MDH2: variants seen among roughly 807,000 people sequenced by gnomAD.
The protein encoded by MDH2 is malate dehydrogenase 2.
In MDH2, 25 loss-of-function variants were observed where a neutral mutation model predicts 33.6. That is an observed-to-expected ratio of 0.74 (90% CI 0.54 to 1.04). The LOEUF is 1.04. MDH2 is among the 50% of genes least tolerant of loss of function. The probability of loss-of-function intolerance (pLI) is 0.00; values close to 1 mark genes in which losing one functional copy is unlikely to be tolerated. For missense variants in MDH2, 432 were observed against 445.0 expected, an observed-to-expected ratio of 0.97 and a Z score of 0.26; for synonymous variants, 193 against 188.7, an observed-to-expected ratio of 1.02 and a Z score of -0.19.
rs932238853 is a variant in MDH2, at chr7:76,064,795, C to G, written c.734-7C>G. On this transcript the variant is annotated splice_region_variant and splice_polypyrimidine_tract_variant and intron_variant, in intron 7 of 8. Coordinates refer to ENST00000315758, the MANE Select transcript of MDH2 (RefSeq NM_005918.4). ...CCAGCCAGGCTGACCTGTCTGTGCC[C>G]CCCTAGGCTCTGCCACCCTCTCCAT... 1.2e-6 allele frequency: 2 copies of G among 1,612,898 alleles called. No homozygotes were observed. The highest frequency in any genetic ancestry group is 8.5e-7 in the Non-Finnish European group (1 of 1,179,642).
rs1798008054 is a variant in MDH2, at chr7:76,063,516, G to T, written c.557G>T (p.Gly186Val). 6.2e-7 allele frequency: 1 copy of T among 1,614,114 alleles called. No individual in the cohort carries two copies. The highest frequency in any genetic ancestry group is 1.7e-5 in the Admixed American group (1 of 60,010). Residue 186 changes from glycine (G) to valine (V), a missense_variant and splice_region_variant, in exon 6 of 9, where the codon GGT becomes GTT. Physicochemically the swap from Gly to Val is moderately radical, Grantham distance 109. Coordinates refer to ENST00000315758, the MANE Select transcript of MDH2 (RefSeq NM_005918.4). Reference sequence around the variant, plus strand: ...CCAGCTTCATACTTTGGTCACCAGGGTTTGGATCCAGCTCGAGTCAACGTC... The same window carrying T: ...CCAGCTTCATACTTTGGTCACCAGGTTTTGGATCCAGCTCGAGTCAACGTC... ...RANTFVAELKGLDPARVNVPV... is the reference protein window; with the variant it reads ...RANTFVAELKVLDPARVNVPV...
chr7:76,065,384 T>G (rs1287483642), intron 8 of MDH2, among the ~76,000 whole-genome samples: 2 of 152,134 alleles, frequency 1.3e-5, no homozygotes, highest in Non-Finnish European at 2.9e-5. Context: ...ACAGAAACCC[T>G]TAGGTCTTAC....
Position 76,048,222 on chromosome 7 carries a change from C to A in MDH2, c.62C>A (p.Ala21Asp). Residue 21 changes from alanine (A) to aspartate (D), a missense_variant, in exon 1 of 9, where the codon GCC becomes GAC. Physicochemically the swap from Ala to Asp is moderately radical, Grantham distance 126. Coordinates refer to ENST00000315758, the MANE Select transcript of MDH2 (RefSeq NM_005918.4). Reference sequence around the variant, plus strand: ...CTCCGCCGCAGCTTCAGCACCTCGGCCCAGGTAGGCCAGACGAGGGGCGGC... The same window carrying A: ...CTCCGCCGCAGCTTCAGCACCTCGGACCAGGTAGGCCAGACGAGGGGCGGC... ...AALRRSFSTS[A>D]QNNAKVAVLG... 6.5e-7 allele frequency: 1 copy of A among 1,534,808 alleles called. No homozygotes were observed. Among genetic ancestry groups the A allele is most frequent in the South Asian group, 1.2e-5 (1 of 83,952 alleles).
chr7:76,049,023 A>T, intron 1 of MDH2: 1 of 972,490 alleles, frequency 1.0e-6, no homozygotes, highest in Non-Finnish European at 1.2e-6. Flanking sequence ...AGGTGAATCT[A>T]ATTAAACCTA....
intron 6 of MDH2, 96 bp downstream of exon 6, chr7:76,063,688 C>A: frequency 7.9e-7 from 1 of 1,271,916 alleles, no homozygotes; most frequent in Non-Finnish European, 1.1e-6. Context: ...GAAGGCCTGG[C>A]CACGTGCCAG....
chr7:76,058,198 C>G, intron 4 of MDH2, 120 bp downstream of exon 4: 2 of 902,716 alleles, frequency 2.2e-6, no homozygotes, highest in Non-Finnish European at 3.4e-6. Context: ...GGGGGATACA[C>G]AGATGAAGGG....
In MDH2 at chr7:76,057,264, T is replaced by C. The variant is rs562918252; in HGVS notation, c.236-146T>C. ...CGGGAATTGTCAGCTCGCAGGGCAG[T>C]AGTCGTCAACAGAAGGAAGTCACGT... On this transcript the variant is annotated intron_variant, in intron 2 of 8. Transcript: ENST00000315758. 3.0e-5 allele frequency: 21 copies of C among 707,846 alleles called. No individual in the cohort carries two copies. In the East Asian group the frequency reaches 5.2e-4, roughly 18 times the overall value. The allele number at this position is 707,846 out of a possible 1,614,324, so 43.8% of individuals were successfully genotyped here.
intron 2 of MDH2, among the ~76,000 whole-genome samples, chr7:76,056,085 C>G (rs1405103106): frequency 6.6e-6 from 1 of 152,136 alleles, no homozygotes; most frequent in Non-Finnish European, 1.5e-5. Flanking sequence ...ACCTCGGCCT[C>G]CCAAAGTGCT....
In MDH2 at chr7:76,060,453, G is replaced by A. The variant is rs148014202; in HGVS notation, c.510G>A (p.Thr170=). 2.9e-5 allele frequency: 47 copies of A among 1,614,004 alleles called. No individual in the cohort carries two copies. The highest frequency in any genetic ancestry group is 3.3e-4 in the Middle Eastern group (2 of 6,084). ...VYNPNKIFGV[T]TLDIVRANTF... is the part of the protein sequence containing the mutation. ...ACCCCAACAAAATCTTCGGCGTGAC[G>A]ACCCTGGACATCGTCAGAGCCAACA... The change falls in exon 5 of 9, where the codon ACG becomes ACA. Residue 170 remains threonine, a synonymous_variant. Coordinates refer to ENST00000315758, the MANE Select transcript of MDH2 (RefSeq NM_005918.4).
chr7:76,056,398 A>T (rs13236824), intron 2 of MDH2, among the ~76,000 whole-genome samples: 40,533 of 152,108 alleles, frequency 0.27, 6,928 homozygotes, highest in Non-Finnish European at 0.38. Context: ...AGCGTATGCG[A>T]TACCGTGTCT....
intron 2 of MDH2, 87 bp from the exon 3 acceptor site, chr7:76,057,323 T>G: frequency 4.4e-6 from 6 of 1,353,410 alleles, no homozygotes; most frequent in Non-Finnish European, 6.2e-6. Flanking sequence ...CTCGAGGCCA[T>G]TAGTTGGCCT....
chr7:76,059,848 G>A (rs547823211), intron 4 of MDH2, among the ~76,000 whole-genome samples: 1 of 152,164 alleles, frequency 6.6e-6, no homozygotes, highest in Non-Finnish European at 1.5e-5. Context: ...CTGGCGTCCC[G>A]GGTGACGTGT....
intron 5 of MDH2, among the ~76,000 whole-genome samples, chr7:76,061,368 G>A (rs1170480386): frequency 3.3e-5 from 5 of 152,170 alleles, no homozygotes; most frequent in Admixed American, 6.5e-5. Flanking sequence ...ATGGCAGCAC[G>A]TACCCGAGGG....
chr7:76,050,617 G>A (rs1267634203), intron 1 of MDH2, among the ~76,000 whole-genome samples: 3 of 152,172 alleles, frequency 2.0e-5, no homozygotes, highest in East Asian at 1.9e-4. Flanking sequence ...TTTCAGCTGC[G>A]TAATGACTTG....
In MDH2 at chr7:76,064,670, G is replaced by A. The variant is rs150861110; in HGVS notation, c.734-132G>A. The A allele has an allele frequency of 3.3e-3, 3,639 of 1,098,714 alleles. 7 individuals are homozygous for A. The highest frequency in any genetic ancestry group is 4.3e-3 in the Non-Finnish European group (3,343 of 779,684). The allele number at this position is 1,098,714 out of a possible 1,614,324, so 68.1% of individuals were successfully genotyped here. A position where few individuals can be genotyped will look rare whatever the true frequency, so the allele number is the denominator to read the frequency against. ...TACACCATTCATGTATAAGTAACAA[G>A]AAATCGGGGTGCTGACTGAAATTCT... On this transcript the variant is annotated intron_variant, in intron 7 of 8. Coordinates refer to ENST00000315758, the MANE Select transcript of MDH2 (RefSeq NM_005918.4).
At chr7:76,055,051 A>G in intron 2 of MDH2, 53 bp downstream of exon 2, 2 of 1,540,772 alleles carry the variant, frequency 1.3e-6, no homozygotes, top group Non-Finnish European at 1.7e-6. Context: ...GTAGGCCAGG[A>G]TTCGAGTTTT....
At chr7:76,056,438 G>A (rs1416079773) in intron 2 of MDH2, among the ~76,000 whole-genome samples, 3 of 152,314 alleles carry the variant, frequency 2.0e-5, no homozygotes, top group East Asian at 3.9e-4. Context: ...TTAAGTTGGT[G>A]TGAACAGCTG....
At chr7:76,052,082 C>T (rs1158542345) in intron 1 of MDH2, among the ~76,000 whole-genome samples, 1 of 152,204 alleles carries the variant, frequency 6.6e-6, no homozygotes, top group Non-Finnish European at 1.5e-5. Flanking sequence ...CCCTCCCTCC[C>T]CCATGTTGTG....
intron 7 of MDH2, 33 bp from the exon 8 acceptor site, chr7:76,064,769 A>G (rs782071703): frequency 1.9e-6 from 3 of 1,597,188 alleles, no homozygotes; most frequent in East Asian, 2.3e-5. Context: ...CGTTTGTGGC[A>G]CCAGCCAGGC....
Sources: allele counts gnomAD v4.1 joint callset (sites outside exome capture counted in the v4.1 genomes callset), GRCh38; gene constraint gnomAD v4.1.1; transcripts MANE v1.5; gene names NCBI Gene and HGNC (gene_info 2026-07-23, HGNC 2026-07-21).